Variants in NALCN observed in about 807,000 individuals in gnomAD.
The protein encoded by NALCN is sodium leak channel NALCN.
Under a neutral mutation model 225.3 loss-of-function variants are expected in NALCN, and 111 were observed. That is an observed-to-expected ratio of 0.49 (90% confidence interval 0.42 to 0.58). NALCN has a LOEUF of 0.58. Among genes scored for constraint, NALCN ranks in the 20% least tolerant of loss-of-function variants. NALCN has a pLI of 0.00. For synonymous variants in NALCN, 764 were observed against 769.0 expected, an observed-to-expected ratio of 0.99 and a Z score of 0.11; for missense variants, 1,378 against 2,202.4, an observed-to-expected ratio of 0.63 and a Z score of 7.49.
intron 28 of NALCN, 117 bp downstream of exon 28, chr13:101,095,457 G>T: frequency 2.6e-6 from 2 of 778,046 alleles, no homozygotes; most frequent in Non-Finnish European, 2.0e-6. Flanking sequence ...TATGACTTAA[G>T]ATCATTTTAA....
chr13:101,081,520 T>G lies in NALCN; in HGVS notation c.3885+7A>C. 1 of 1,613,998 alleles carries G rather than the reference T, an allele frequency of 6.2e-7. No homozygotes were observed. Among genetic ancestry groups the G allele is most frequent in the Non-Finnish European group, 8.5e-7 (1 of 1,179,968 alleles). On this transcript the variant is annotated splice_region_variant and intron_variant, in intron 34 of 43. Transcript: ENST00000251127. ...TCAGCTGAAATCAACTTGACTTCTA[T>G]GCTTACCAGGAGGGCAAAGTGAAGC...
chr13:101,341,979 G>A (rs1242444616), intron 7 of NALCN, among the ~76,000 whole-genome samples: 1 of 152,194 alleles, frequency 6.6e-6, no homozygotes, highest in Admixed American at 6.5e-5. Context: ...ACCAGGAAGT[G>A]AGCCTTCACC....
rs117433838 is a variant in NALCN, at chr13:101,297,148, T to C, written c.800-4782A>G. On this transcript the variant is annotated intron_variant, in intron 7 of 43. Coordinates refer to ENST00000251127, the MANE Select transcript of NALCN (RefSeq NM_052867.4). ...CTAGTCTTAGGTTACATAACCACAT[T>C]GTCATTCCACTCTCAAGTGAGAGGG... 7.2e-5 allele frequency among the ~76,000 whole-genome samples: 11 copies of C among 152,294 alleles called. No individual in the cohort carries two copies. The East Asian group carries it at 2.1e-3, about 29-fold the overall frequency.
At chr13:101,165,685 A>G (rs73556675) in intron 15 of NALCN, among the ~76,000 whole-genome samples, 8,083 of 152,294 alleles carry the variant, frequency 0.053, 722 homozygotes, top group African/African-American at 0.18. Flanking sequence ...CACGTTGCGC[A>G]GGCTGATCTC....
intron 6 of NALCN, among the ~76,000 whole-genome samples, chr13:101,357,003 C>T (rs2139346557): frequency 6.6e-6 from 1 of 152,256 alleles, no homozygotes; most frequent in South Asian, 2.1e-4. Context: ...ATGTTAAAAG[C>T]TTTCAATAAA....
intron 3 of NALCN, among the ~76,000 whole-genome samples, chr13:101,380,068 T>C (rs1167034037): frequency 7.4e-6 from 1 of 135,336 alleles, no homozygotes; most frequent in Non-Finnish European, 1.6e-5. Context: ...TGTATATATG[T>C]GGATGTATAT....
intron 7 of NALCN, among the ~76,000 whole-genome samples, chr13:101,303,732 G>A (rs950821704): frequency 6.6e-6 from 1 of 152,040 alleles, no homozygotes; most frequent in African/African-American, 2.4e-5. Flanking sequence ...ATGTCTTTCC[G>A]CGCTCTCATT....
intron 4 of NALCN, 81 bp from the exon 5 acceptor site, chr13:101,377,137 G>A: frequency 6.5e-7 from 1 of 1,542,340 alleles, no homozygotes; most frequent in Non-Finnish European, 8.9e-7. Context: ...GATGTTAGCA[G>A]CATAAGTAGG....
At chr13:101,057,618 T>C in intron 43 of NALCN, 1 of 330,600 alleles carries the variant, frequency 3.0e-6, no homozygotes, top group Non-Finnish European at 5.7e-6. Flanking sequence ...CTTTTGCCCA[T>C]GTTTGAGCAT....
chr13:101,084,368 A>G (rs1428452319), intron 30 of NALCN, among the ~76,000 whole-genome samples: 1 of 152,172 alleles, frequency 6.6e-6, no homozygotes, highest in Non-Finnish European at 1.5e-5. Flanking sequence ...GATTAAAATT[A>G]TATTATATTG....
At chr13:101,178,132 C>T (rs2039037078) in intron 14 of NALCN, among the ~76,000 whole-genome samples, 1 of 152,164 alleles carries the variant, frequency 6.6e-6, no homozygotes, top group Admixed American at 6.5e-5. Flanking sequence ...AGCCCATTTC[C>T]CAATACCTCG....
intron 3 of NALCN, among the ~76,000 whole-genome samples, chr13:101,393,915 C>T (rs2047212926): frequency 6.6e-6 from 1 of 152,150 alleles, no homozygotes; most frequent in Non-Finnish European, 1.5e-5. Flanking sequence ...GAAATATGAA[C>T]GGTGGGTTAA....
intron 18 of NALCN, among the ~76,000 whole-genome samples, chr13:101,119,021 A>T (rs2035847310): frequency 6.6e-6 from 1 of 152,200 alleles, no homozygotes; most frequent in South Asian, 2.1e-4. Flanking sequence ...ATGGAACAAT[A>T]ATTATAAAAG....
At chr13:101,072,240 C>T (rs895839913) in intron 37 of NALCN, among the ~76,000 whole-genome samples, 1 of 152,156 alleles carries the variant, frequency 6.6e-6, no homozygotes, top group Non-Finnish European at 1.5e-5. Flanking sequence ...TAGACCTGCT[C>T]CACACAAGAT....
chr13:101,349,885 A>T (rs1335190798), intron 6 of NALCN, among the ~76,000 whole-genome samples: 1 of 152,136 alleles, frequency 6.6e-6, no homozygotes, highest in Non-Finnish European at 1.5e-5. Flanking sequence ...TCAATTTGAA[A>T]TCCTAAACCA....
At chr13:101,392,578 A>G (rs1385796903) in intron 3 of NALCN, among the ~76,000 whole-genome samples, 1 of 152,212 alleles carries the variant, frequency 6.6e-6, no homozygotes, top group Non-Finnish European at 1.5e-5. Context: ...GATGTTCTAG[A>G]TAAACCAAAA....
At chr13:101,286,228 G>T (rs1594605110) in intron 9 of NALCN, among the ~76,000 whole-genome samples, 2 of 152,154 alleles carry the variant, frequency 1.3e-5, no homozygotes, top group South Asian at 2.1e-4. Context: ...GGCAGGGACT[G>T]CCAGTCTTTC....
chr13:101,291,903 C>A (rs935578480), intron 9 of NALCN, 87 bp downstream of exon 9: 50 of 1,328,604 alleles, frequency 3.8e-5, no homozygotes, highest in Non-Finnish European at 2.4e-5. Flanking sequence ...GCCCATCATG[C>A]AAGAGCTTCC....
Position 101,062,005 on chromosome 13 carries a change from CG to C in NALCN, c.4717del (p.Arg1573AlafsTer8), listed in dbSNP as rs1234405295. 2.0e-5 allele frequency: 32 copies of C among 1,613,992 alleles called. No individual in the cohort carries two copies. Among genetic ancestry groups the C allele is most frequent in the Non-Finnish European group, 2.7e-5 (32 of 1,180,016 alleles). ...IEEEVAKQTI[R>X]MWLKKCLKRI... ...CTTCAGGCACTTCTTGAGCCACATG[CG>C]GATGGTCTGCTTGGCCACCTCCTCC... On this transcript the variant is annotated frameshift_variant, in exon 41 of 44. Coordinates refer to ENST00000251127, the MANE Select transcript of NALCN (RefSeq NM_052867.4). LOFTEE classifies it high-confidence loss of function.
Sources: gnomAD v4.1 joint callset for allele counts (sites outside exome capture counted in the v4.1 genomes callset) on GRCh38, gnomAD v4.1.1 for gene constraint, MANE v1.5 for transcripts, NCBI Gene and HGNC (gene_info 2026-07-23, HGNC 2026-07-21) for gene names.